DCLRE1C: variants seen among roughly 807,000 people sequenced by gnomAD.
DCLRE1C encodes DNA cross-link repair 1C, also known as protein artemis.
Under a neutral mutation model 61.4 loss-of-function variants are expected in DCLRE1C, and 47 were observed. That is an observed-to-expected ratio of 0.77 (90% CI 0.61 to 0.98). The LOEUF (loss-of-function observed/expected upper bound fraction) is 0.98. Ranked by LOEUF, DCLRE1C falls within the 50% of genes least tolerant of loss-of-function variation. The probability of loss-of-function intolerance (pLI) is 0.00; values close to 1 mark genes in which losing one functional copy is unlikely to be tolerated. For missense variants in DCLRE1C, 858 were observed against 816.0 expected, an observed-to-expected ratio of 1.05 and a Z score of -0.63; for synonymous variants, 337 against 287.6, an observed-to-expected ratio of 1.17 and a Z score of -1.74.
chr10:14,901,046 C>A (rs1482832167), downstream of DCLRE1C: 3 of 1,508,368 alleles, frequency 2.0e-6, no homozygotes, highest in Non-Finnish European at 2.7e-6. Context: ...TAAACTAAAT[C>A]TCTAGGAAAG....
intron 12 of DCLRE1C, chr10:14,920,404 C>A: frequency 9.9e-7 from 1 of 1,013,638 alleles, no homozygotes; most frequent in Non-Finnish European, 1.2e-6. Context: ...TCACTGCCAA[C>A]TGCCTCCTCC....
intron 3 of DCLRE1C, among the ~76,000 whole-genome samples, chr10:14,944,662 A>ATTTTTTTTTTTTTTTTTT (rs1226251983): frequency 7.2e-6 from 1 of 138,850 alleles, no homozygotes. Context: ...AACAGACTTA[A>ATTTTTTTTTTTTTTTTTT]TTTTTTTTTT....
In DCLRE1C at chr10:14,945,653, C is replaced by CTTTTTTT. The variant is rs148072088; in HGVS notation, c.162-471_162-465dup. On this transcript the variant is annotated intron_variant, in intron 2 of 13. Coordinates refer to ENST00000378278, the MANE Select transcript of DCLRE1C (RefSeq NM_001033855.3). ...CTGCTTTTTACTGTATAAGTCTATT[C>CTTTTTTT]TTTTTTTTTTTTTTTTTTTTTTTGA... 4.8e-4 allele frequency: 132 copies of CTTTTTTT among 274,320 alleles called. 2 individuals carry two copies. The highest frequency in any genetic ancestry group is 2.3e-3 in the African/African-American group (55 of 24,082). 17.0% of individuals were successfully genotyped at this position (274,320 alleles called of 1,614,324 possible). A position where few individuals can be genotyped will look rare whatever the true frequency, so the allele number is the denominator to read the frequency against.
chr10:14,934,327 CAAAAAAAAAAAAAAAAG>C, intron 8 of DCLRE1C, 36 bp downstream of exon 8: 1 of 1,427,402 alleles, frequency 7.0e-7, no homozygotes. Context: ...GACTCCCTCT[CAAAAAAAAAAAAAAAAG>C]AAAAAAGAAA....
intron 4 of DCLRE1C, among the ~76,000 whole-genome samples, chr10:14,936,800 A>T (rs981577565): frequency 5.3e-5 from 8 of 152,100 alleles, no homozygotes; most frequent in African/African-American, 1.9e-4. Context: ...CAATTTCACC[A>T]CTAGTTATAG....
At chr10:14,930,680 G>T (rs372260121) in intron 9 of DCLRE1C, among the ~76,000 whole-genome samples, 1 of 151,972 alleles carries the variant, frequency 6.6e-6, no homozygotes, top group Non-Finnish European at 1.5e-5. Context: ...TGATCCACAC[G>T]CCTCGGCCTC....
intron 13 of DCLRE1C, chr10:14,899,496 G>C (rs1445563536): frequency 1.3e-6 from 2 of 1,599,026 alleles, no homozygotes; most frequent in South Asian, 1.1e-5. Flanking sequence ...ATGCTTCTTT[G>C]GTTCAGTAGC....
In DCLRE1C at chr10:14,926,804, C is replaced by G. The variant is rs1453043498; in HGVS notation, c.972+39G>C. On this transcript the variant is annotated intron_variant, in intron 11 of 13. Transcript: ENST00000378278. Reference sequence around the variant, plus strand: ...TGTCAACTACCAAGGCTGCAGAACACTGAGCGATAAGGGTTATGAGTATAT... The same window carrying G: ...TGTCAACTACCAAGGCTGCAGAACAGTGAGCGATAAGGGTTATGAGTATAT... The G allele has an allele frequency of 2.6e-6, 4 of 1,548,324 alleles. 1 individual carries two copies. In the South Asian group the frequency reaches 4.5e-5, roughly 17 times the overall value.
At chr10:14,915,463 A>G (rs1027445835) in intron 13 of DCLRE1C, among the ~76,000 whole-genome samples, 14 of 152,134 alleles carry the variant, frequency 9.2e-5, no homozygotes, top group African/African-American at 2.9e-4. Context: ...GAGGATTAAT[A>G]TCAGTAGATT....
intron 9 of DCLRE1C, among the ~76,000 whole-genome samples, chr10:14,932,162 T>A (rs1207925425): frequency 6.6e-6 from 1 of 152,056 alleles, no homozygotes; most frequent in Non-Finnish European, 1.5e-5. Flanking sequence ...AGATGGAGGC[T>A]GCAGTGAGCC....
intron 9 of DCLRE1C, among the ~76,000 whole-genome samples, chr10:14,932,625 G>T (rs766106077): frequency 1.3e-5 from 2 of 151,766 alleles, no homozygotes; most frequent in Non-Finnish European, 2.9e-5. Flanking sequence ...GACAGAGTGA[G>T]ACTCCATCTC....
At chr10:14,935,360 G>A (rs377683913) in intron 6 of DCLRE1C, 103 bp downstream of exon 6, 3 of 1,283,828 alleles carry the variant, frequency 2.3e-6, no homozygotes, top group East Asian at 4.8e-5. Flanking sequence ...CAGCTACTTG[G>A]GAGGCTGAGG....
At chr10:14,941,354 G>A (rs971519105) in intron 3 of DCLRE1C, among the ~76,000 whole-genome samples, 5 of 152,064 alleles carry the variant, frequency 3.3e-5, no homozygotes, top group African/African-American at 7.2e-5. Flanking sequence ...GCACAGTCAC[G>A]GCTCACTATA....
chr10:14,922,623 T>G lies in DCLRE1C; in HGVS notation c.1061+358A>C, dbSNP rs1308755095. ...GGTGCTAGGTGCTTTTCTTACACTA[T>G]CTCCCTGTATCATCTCTTTCTTTTT... On this transcript the variant is annotated intron_variant, in intron 12 of 13. Transcript: ENST00000378278. 2.0e-5 allele frequency among the ~76,000 whole-genome samples: 3 copies of G among 152,118 alleles called. No individual in the cohort carries two copies. In the East Asian group the frequency reaches 5.8e-4, roughly 29 times the overall value.
At chr10:14,923,311 T>G in intron 11 of DCLRE1C, 1 of 470,930 alleles carries the variant, frequency 2.1e-6, no homozygotes, top group Non-Finnish European at 3.9e-6. Flanking sequence ...CATTTAAATA[T>G]TCCCCAGGTG....
chr10:14,945,721 T>C (rs912932396), intron 2 of DCLRE1C, among the ~76,000 whole-genome samples: 6 of 142,180 alleles, frequency 4.2e-5, no homozygotes, highest in Admixed American at 2.3e-4. Context: ...TGCAATGGTG[T>C]GATCTCGTCT....
chr10:14,930,348 G>C (rs1178373178), intron 9 of DCLRE1C, among the ~76,000 whole-genome samples: 1 of 143,508 alleles, frequency 7.0e-6, no homozygotes, highest in Non-Finnish European at 1.5e-5. Context: ...ACCCAGGCTG[G>C]TCTCGAACTC....
At chr10:14,899,779 C>A, downstream of DCLRE1C, 2 of 1,394,896 alleles carry the variant, frequency 1.4e-6, no homozygotes, top group Non-Finnish European at 1.9e-6. Context: ...AACTACATAT[C>A]CTTTTAACAT....
rs552273445 is a variant in DCLRE1C, at chr10:14,906,370, C to T, written c.*2038G>A. 4.6e-5 allele frequency among the ~76,000 whole-genome samples: 7 copies of T among 152,290 alleles called. No individual in the cohort carries two copies. The highest frequency in any genetic ancestry group is 1.7e-4 in the African/African-American group (7 of 41,564). ...ATCACATCTGTTGTAGTTGTCTTAG[C>T]CCAATTCATTCAGCCAGCATTTATA... is the stretch of plus-strand genomic sequence containing the variant. On this transcript the variant is annotated 3_prime_UTR_variant, in exon 14 of 14. Transcript: ENST00000378278.
Sources: gnomAD v4.1 joint callset for allele counts (sites outside exome capture counted in the v4.1 genomes callset) on GRCh38, gnomAD v4.1.1 for gene constraint, MANE v1.5 for transcripts, NCBI Gene and HGNC (gene_info 2026-07-23, HGNC 2026-07-21) for gene names.